The following RFX3 variants were observed in gnomAD, a reference collection of about 807,000 sequenced individuals.
The protein encoded by RFX3 is transcription factor RFX3.
RFX3 carries 14 observed loss-of-function variants against 98.6 expected under a neutral mutation model. The observed-to-expected ratio is 0.14, with a 90% confidence interval of 0.09 to 0.22. The LOEUF is 0.22. Ranked by LOEUF, RFX3 falls within the 10% of genes least tolerant of loss-of-function variation. The probability of loss-of-function intolerance (pLI) is 1.00; values close to 1 mark genes in which losing one functional copy is unlikely to be tolerated. For missense variants in RFX3, 639 were observed against 926.9 expected, an observed-to-expected ratio of 0.69 and a Z score of 4.03; for synonymous variants, 383 against 328.4, an observed-to-expected ratio of 1.17 and a Z score of -1.80.
chr9:3,313,094 C>G (rs184259996), intron 4 of RFX3, among the ~76,000 whole-genome samples: 1 of 152,184 alleles, frequency 6.6e-6, no homozygotes, highest in Non-Finnish European at 1.5e-5. Flanking sequence ...CACCAAGTAG[C>G]GTAACTGAGA....
intron 3 of RFX3, among the ~76,000 whole-genome samples, chr9:3,342,269 T>C (rs960815542): frequency 2.3e-4 from 35 of 152,158 alleles, no homozygotes; most frequent in African/African-American, 7.7e-4. Flanking sequence ...TTCAGAGCTT[T>C]TAAAAGGGTA....
chr9:3,487,340 T>A (rs979966904), intron 1 of RFX3, among the ~76,000 whole-genome samples: 10 of 152,206 alleles, frequency 6.6e-5, no homozygotes, highest in African/African-American at 2.4e-4. Flanking sequence ...ATATGGACAG[T>A]TTCTATTTTG....
chr9:3,257,518 A>T (rs1034023009), intron 13 of RFX3, among the ~76,000 whole-genome samples: 1 of 152,112 alleles, frequency 6.6e-6, no homozygotes, highest in Admixed American at 6.5e-5. Context: ...AGAAGTCTGA[A>T]CCTACAGTAG....
chr9:3,444,903 CA>C (rs1005448772), intron 1 of RFX3, among the ~76,000 whole-genome samples: 3 of 152,170 alleles, frequency 2.0e-5, no homozygotes, highest in African/African-American at 7.2e-5. Flanking sequence ...AGCAGAAACT[CA>C]AATGATCACT....
intron 1 of RFX3, among the ~76,000 whole-genome samples, chr9:3,415,191 T>G: frequency 7.4e-6 from 1 of 135,250 alleles, no homozygotes; most frequent in African/African-American, 2.9e-5. Flanking sequence ...ATACACATAC[T>G]CATATATATA....
At chr9:3,505,973 C>G (rs1817051126) in intron 1 of RFX3, among the ~76,000 whole-genome samples, 1 of 151,758 alleles carries the variant, frequency 6.6e-6, no homozygotes, top group Non-Finnish European at 1.5e-5. Context: ...TTCTTGGCCC[C>G]TACTTTATGT....
intron 2 of RFX3, among the ~76,000 whole-genome samples, chr9:3,356,421 A>G (rs951526660): frequency 1.8e-4 from 27 of 151,878 alleles, no homozygotes; most frequent in Non-Finnish European, 1.9e-4. Context: ...AAAAGTTTAT[A>G]AAAGGCCTAA....
At chr9:3,239,728 C>A (rs1028075188) in intron 15 of RFX3, among the ~76,000 whole-genome samples, 2 of 152,230 alleles carry the variant, frequency 1.3e-5, no homozygotes, top group African/African-American at 2.4e-5. Context: ...GGCCCAAGAC[C>A]CACACTATGG....
intron 15 of RFX3, among the ~76,000 whole-genome samples, chr9:3,231,373 G>C (rs915201382): frequency 6.6e-6 from 1 of 152,062 alleles, no homozygotes. Context: ...CCTATAGATA[G>C]GCTGCATGAG....
intron 1 of RFX3, among the ~76,000 whole-genome samples, chr9:3,501,322 A>G (rs1350442173): frequency 6.6e-6 from 1 of 152,088 alleles, no homozygotes; most frequent in African/African-American, 2.4e-5. Context: ...AAATTCTTTG[A>G]TATATAAATA....
At chr9:3,455,353 T>C (rs1471666489) in intron 1 of RFX3, among the ~76,000 whole-genome samples, 6 of 152,200 alleles carry the variant, frequency 3.9e-5, no homozygotes, top group Non-Finnish European at 8.8e-5. Context: ...TCTTTCTTAA[T>C]TCAGGCAAGC....
chr9:3,218,325 A>G lies in RFX3; in HGVS notation c.*6717T>C, dbSNP rs1204687867. On this transcript the variant is annotated 3_prime_UTR_variant, in exon 17 of 17. Transcript: ENST00000617270. ...TTGTAACAAGGAAACAAATTTATTG[A>G]TTTTAAAAGACAAGACACCATTTTG... 1 of 152,194 alleles carries G rather than the reference A, an allele frequency of 6.6e-6. No individual in the cohort carries two copies. Among genetic ancestry groups the G allele is most frequent in the Admixed American group, 6.5e-5 (1 of 15,284 alleles). The allele number at this position is 152,194 out of a possible 1,614,324, so 9.4% of individuals were successfully genotyped here. A position where few individuals can be genotyped will look rare whatever the true frequency, so the allele number is the denominator to read the frequency against.
chr9:3,393,497 T>A (rs912888054), intron 2 of RFX3, among the ~76,000 whole-genome samples: 1 of 152,154 alleles, frequency 6.6e-6, no homozygotes, highest in Non-Finnish European at 1.5e-5. Context: ...TCTACAGAGA[T>A]GAAAACCAGA....
At chr9:3,394,043 G>A (rs534016234) in intron 2 of RFX3, among the ~76,000 whole-genome samples, 3 of 152,248 alleles carry the variant, frequency 2.0e-5, no homozygotes, top group South Asian at 4.1e-4. Flanking sequence ...ATTGAAACAT[G>A]TAACACTTTT....
intron 2 of RFX3, among the ~76,000 whole-genome samples, chr9:3,368,225 C>G (rs1587353469): frequency 1.3e-5 from 2 of 151,806 alleles, no homozygotes; most frequent in Non-Finnish European, 2.9e-5. Context: ...TGATATATAG[C>G]TGATTTATAT....
intron 15 of RFX3, among the ~76,000 whole-genome samples, chr9:3,229,436 A>T (rs1818195922): frequency 1.3e-5 from 2 of 152,250 alleles, no homozygotes; most frequent in Non-Finnish European, 2.9e-5. Context: ...CTCTCAGATA[A>T]TAGGGTCTCA....
In RFX3 at chr9:3,510,433, G is replaced by A. The variant is rs548246453; in HGVS notation, c.-9+15314C>T. On this transcript the variant is annotated intron_variant, in intron 1 of 16. Coordinates refer to ENST00000617270, the MANE Select transcript of RFX3 (RefSeq NM_001282116.2). ...GTTATTGAGGAGTTACTCAAACATA[G>A]AATAAGTGGATCAATATTATTATTC... Among the ~76,000 whole-genome samples the A allele has an allele frequency of 2.6e-4, 40 of 152,038 alleles. 3 individuals carry two copies. The South Asian group carries it at 8.3e-3, about 32-fold the overall frequency.
At chr9:3,396,400 A>G (rs1055705489) in intron 1 of RFX3, among the ~76,000 whole-genome samples, 2 of 152,152 alleles carry the variant, frequency 1.3e-5, no homozygotes, top group Non-Finnish European at 2.9e-5. Context: ...ATAGTATTCC[A>G]TGGTGTATAT....
chr9:3,508,326 G>C (rs1010888236), intron 1 of RFX3, among the ~76,000 whole-genome samples: 1 of 151,794 alleles, frequency 6.6e-6, no homozygotes, highest in Non-Finnish European at 1.5e-5. Flanking sequence ...CTATTCATTT[G>C]AATTACACTT....
Sources: allele counts gnomAD v4.1 joint callset (sites outside exome capture counted in the v4.1 genomes callset), GRCh38; gene constraint gnomAD v4.1.1; transcripts MANE v1.5; gene names NCBI Gene and HGNC (gene_info 2026-07-23, HGNC 2026-07-21).